The following MOB4 variants were observed in gnomAD, a reference collection of about 807,000 sequenced individuals.
MOB4 encodes the protein MOB family member 4, phocein, also known as MOB-like protein phocein.
Under a neutral mutation model 32.2 loss-of-function variants are expected in MOB4, and 4 were observed. The observed-to-expected ratio is 0.12, with a 90% CI of 0.06 to 0.28. The LOEUF is 0.28. Ranked by LOEUF, MOB4 falls within the 10% of genes least tolerant of loss-of-function variation. The pLI, the probability that MOB4 is intolerant of heterozygous loss-of-function variation, is 1.00. For synonymous variants in MOB4, 88 were observed against 88.1 expected (o/e 1.00, Z 0.01); for missense variants, 158 against 271.2 (o/e 0.58, Z 2.93).
chr2:197,550,211 G>A, intron 6 of MOB4, 64 bp from the exon 7 acceptor site: 1 of 1,399,294 alleles, frequency 7.1e-7, no homozygotes, highest in South Asian at 1.4e-5. Context: ...GCGAGAAATT[G>A]GACTATATTG....
chr2:197,516,443 C>T, intron 1 of MOB4: 2 of 1,242,658 alleles, frequency 1.6e-6, no homozygotes, highest in Non-Finnish European at 2.1e-6. Context: ...ACGGCTTCTT[C>T]TCGCCTTGCC....
intron 2 of MOB4, among the ~76,000 whole-genome samples, chr2:197,525,975 A>G (rs1020957872): frequency 6.6e-6 from 1 of 152,206 alleles, no homozygotes; most frequent in Non-Finnish European, 1.5e-5. Context: ...GGTTTTCTAC[A>G]TACGAGACCC....
At chr2:197,548,950 T>C (rs1203538187) in intron 6 of MOB4, among the ~76,000 whole-genome samples, 1 of 152,144 alleles carries the variant, frequency 6.6e-6, no homozygotes, top group Non-Finnish European at 1.5e-5. Context: ...ACTTTCTGGC[T>C]GGGCGCAGTG....
intron 2 of MOB4, among the ~76,000 whole-genome samples, chr2:197,531,192 C>T (rs962830282): frequency 2.0e-5 from 3 of 151,688 alleles, no homozygotes; most frequent in Non-Finnish European, 2.9e-5. Flanking sequence ...GGACTACAAG[C>T]GCCCGCCACT....
chr2:197,533,722 CAA>C (rs796816631), intron 2 of MOB4: 5,120 of 140,660 alleles, frequency 0.036, 5 homozygotes, highest in African/African-American at 0.048. Flanking sequence ...CAAAACTCCT[CAA>C]AAAAAAAAAA....
Position 197,538,294 on chromosome 2 carries a change from T to C in MOB4, c.225-1817T>C, listed in dbSNP as rs376185458. ...TTTTACTTTTGTTATTTTTTTCTAC[T>C]AGCCACTTTTTGGTCTGGGTTGTAT... On this transcript the variant is annotated intron_variant, in intron 3 of 7. Coordinates refer to ENST00000323303, the MANE Select transcript of MOB4 (RefSeq NM_015387.5). Among the ~76,000 whole-genome samples, 11 of 152,252 alleles carry C rather than the reference T, an allele frequency of 7.2e-5. No individual in the cohort carries two copies. In the East Asian group the frequency reaches 1.7e-3, roughly 24 times the overall value.
Position 197,536,533 on chromosome 2 carries a change from CTCTTAACCGCTAATATAGTATT to C in MOB4, c.224+906_224+927del, listed in dbSNP as rs547943360. Among the ~76,000 whole-genome samples, 77 of 150,428 alleles carry C rather than the reference CTCTTAACCGCTAATATAGTATT, an allele frequency of 5.1e-4. 2 individuals carry two copies. In the South Asian group the frequency reaches 8.4e-3, roughly 16 times the overall value. On this transcript the variant is annotated intron_variant, in intron 3 of 7. Transcript: ENST00000323303. ...ATTTCATGATTTTCCTTAATTGTAT[CTCTTAACCGCTAATATAGTATT>C]TCCGTTTCCCCATTTTTGCATAACT... is the stretch of plus-strand genomic sequence containing the variant.
chr2:197,546,813 A>C (rs573453393), intron 5 of MOB4, among the ~76,000 whole-genome samples: 2 of 152,044 alleles, frequency 1.3e-5, no homozygotes, highest in African/African-American at 4.8e-5. Flanking sequence ...CTAACTTTTG[A>C]CTCCCCCAAA....
intron 1 of MOB4, chr2:197,516,737 T>C (rs2086421396): frequency 2.1e-6 from 1 of 471,484 alleles, no homozygotes; most frequent in Admixed American, 2.3e-5. Context: ...TTTTCATCAC[T>C]AAGTTGTGAC....
Position 197,525,709 on chromosome 2 carries a change from CAAAAAAA to C in MOB4, c.123+2035_123+2041del, listed in dbSNP as rs368659222. On this transcript the variant is annotated intron_variant, in intron 2 of 7. Coordinates refer to ENST00000323303, the MANE Select transcript of MOB4 (RefSeq NM_015387.5). ...CAGGCTGGTGACAGAGACCCTATCT[CAAAAAAA>C]AAAAAAAAAAAGAAAAAGTGCTGTT... Among the ~76,000 whole-genome samples, 297 of 64,636 alleles carry C rather than the reference CAAAAAAA, an allele frequency of 4.6e-3. 2 individuals are homozygous for C. The highest frequency in any genetic ancestry group is 0.025 in the East Asian group (56 of 2,230). The allele number at this position is 64,636 out of a possible 152,430, so 42.4% of individuals were successfully genotyped here. A position where few individuals can be genotyped will look rare whatever the true frequency, so the allele number is the denominator to read the frequency against.
intron 5 of MOB4, among the ~76,000 whole-genome samples, chr2:197,546,851 C>A (rs1232154301): frequency 6.6e-6 from 1 of 152,202 alleles, no homozygotes; most frequent in Admixed American, 6.5e-5. Context: ...CTACTGTTGA[C>A]TGGAAGCCTT....
At chr2:197,524,861 C>T (rs1196657529) in intron 2 of MOB4, among the ~76,000 whole-genome samples, 1 of 151,986 alleles carries the variant, frequency 6.6e-6, no homozygotes, top group African/African-American at 2.4e-5. Flanking sequence ...GCCTCAACTT[C>T]CTGGGCTCAG....
chr2:197,530,488 C>G (rs1325132111), intron 2 of MOB4, among the ~76,000 whole-genome samples: 2 of 151,692 alleles, frequency 1.3e-5, no homozygotes, highest in Non-Finnish European at 2.9e-5. Flanking sequence ...TGGTCTTGAA[C>G]TCTTGGCCTC....
intron 3 of MOB4, 140 bp downstream of exon 3, chr2:197,535,770 C>T (rs1366699446): frequency 2.3e-6 from 2 of 875,782 alleles, no homozygotes; most frequent in Non-Finnish European, 3.5e-6. Context: ...TTCAGTGTCA[C>T]AAGGTTCTCA....
At chr2:197,523,544 A>G in intron 1 of MOB4, 80 bp from the exon 2 acceptor site, 1 of 1,417,766 alleles carries the variant, frequency 7.1e-7, no homozygotes, top group Non-Finnish European at 9.6e-7. Context: ...CTCTAGTGTG[A>G]GCTTTGGGTC....
rs779049311 is a variant in MOB4, at chr2:197,516,084, A to C, written c.-3A>C. ...CGACTCCAGCCGCCTAGACGCTGGC[A>C]CTATGGTCATGGCGGAGGGGACGGC... On this transcript the variant is annotated 5_prime_UTR_variant, in exon 1 of 8. Transcript: ENST00000323303. 2 of 1,594,502 alleles carry C rather than the reference A, an allele frequency of 1.3e-6. No homozygotes were observed. The highest frequency in any genetic ancestry group is 1.7e-6 in the Non-Finnish European group (2 of 1,171,988).
intron 2 of MOB4, among the ~76,000 whole-genome samples, chr2:197,528,770 C>T (rs1396736534): frequency 6.6e-6 from 1 of 151,608 alleles, no homozygotes; most frequent in African/African-American, 2.4e-5. Flanking sequence ...CGCCCGCCAT[C>T]ACCCCCGGCT....
At chr2:197,536,434 G>A (rs1041984839) in intron 3 of MOB4, among the ~76,000 whole-genome samples, 4 of 151,608 alleles carry the variant, frequency 2.6e-5, no homozygotes, top group African/African-American at 9.7e-5. Context: ...CAAACTCCGG[G>A]GCTTAAGCAA....
intron 5 of MOB4, among the ~76,000 whole-genome samples, chr2:197,547,349 G>A (rs919460172): frequency 6.6e-6 from 1 of 152,096 alleles, no homozygotes; most frequent in Non-Finnish European, 1.5e-5. Context: ...ATACCCAAAT[G>A]ACAAATATGA....
Sources: gnomAD v4.1 joint callset for allele counts (sites outside exome capture counted in the v4.1 genomes callset) on GRCh38, gnomAD v4.1.1 for gene constraint, MANE v1.5 for transcripts, NCBI Gene and HGNC (gene_info 2026-07-23, HGNC 2026-07-21) for gene names.